Variants in IREB2 observed in about 807,000 individuals in gnomAD.
IREB2 encodes the protein iron responsive element binding protein 2.
A neutral mutation model predicts 118.8 loss-of-function variants in IREB2; 39 were observed. The observed-to-expected ratio is 0.33, with a 90% CI of 0.25 to 0.43. The LOEUF is 0.43. Among genes scored for constraint, IREB2 ranks in the 20% least tolerant of loss-of-function variants. The probability of loss-of-function intolerance (pLI) is 1.00; values close to 1 mark genes in which losing one functional copy is unlikely to be tolerated. For missense variants in IREB2, 900 were observed against 1,147.3 expected (o/e 0.78, Z 3.11); for synonymous variants, 372 against 392.2 (o/e 0.95, Z 0.61).
intron 2 of IREB2, among the ~76,000 whole-genome samples, chr15:78,451,274 CT>C (rs2051021270): frequency 6.6e-6 from 1 of 151,772 alleles, no homozygotes; most frequent in Admixed American, 6.6e-5. Flanking sequence ...CCTTCATTCA[CT>C]TTTGAGAAAC....
Position 78,447,338 on chromosome 15 carries a change from T to TA in IREB2, c.106+7457_106+7458insA, listed in dbSNP as rs1272865528. 4.0e-5 allele frequency among the ~76,000 whole-genome samples: 6 copies of TA among 151,166 alleles called. No individual in the cohort carries two copies. In the East Asian group the frequency reaches 1.2e-3, roughly 30 times the overall value. ...ACACCACTACACCTGGCTAATTTTTTTTTTTTTTTTGAGACGGACTCTTGC... is the reference window on the plus strand; with the variant it reads ...ACACCACTACACCTGGCTAATTTTTTATTTTTTTTTTGAGACGGACTCTTGC... On this transcript the variant is annotated intron_variant, in intron 2 of 21. Transcript: ENST00000258886.
chr15:78,489,622 C>T (rs1471161362), intron 16 of IREB2, among the ~76,000 whole-genome samples: 3 of 152,168 alleles, frequency 2.0e-5, no homozygotes, highest in African/African-American at 7.2e-5. Flanking sequence ...CTCAAGCAAT[C>T]CTGCTCCTCA....
chr15:78,490,204 G>A (rs969647703), intron 16 of IREB2, among the ~76,000 whole-genome samples: 1 of 151,958 alleles, frequency 6.6e-6, no homozygotes, highest in Non-Finnish European at 1.5e-5. Flanking sequence ...CTTGAGCTCA[G>A]GAGTTTAAGA....
chr15:78,491,084 A>G (rs759828844), intron 18 of IREB2, among the ~76,000 whole-genome samples: 1 of 152,158 alleles, frequency 6.6e-6, no homozygotes, highest in South Asian at 2.1e-4. Context: ...GGTTTTACCT[A>G]CCAAATGAAG....
At position 78,499,756 on chromosome 15, in the gene IREB2, C is replaced by T. The variant is rs764957883; in HGVS notation, c.*1613C>T. The T allele has an allele frequency of 2.0e-5, 3 of 152,122 alleles. No individual in the cohort carries two copies. The highest frequency in any genetic ancestry group is 4.4e-5 in the Non-Finnish European group (3 of 68,026). The allele number at this position is 152,122 out of a possible 1,614,324, so 9.4% of individuals were successfully genotyped here. ...CATGTGTTTTTAATTTACATGAAAACATGAGTTAGGAGAAATTACAGGTTG... is the reference window on the plus strand; with the variant it reads ...CATGTGTTTTTAATTTACATGAAAATATGAGTTAGGAGAAATTACAGGTTG... On this transcript the variant is annotated 3_prime_UTR_variant, in exon 22 of 22. Coordinates refer to ENST00000258886, the MANE Select transcript of IREB2 (RefSeq NM_004136.4).
chr15:78,497,099 A>C, intron 20 of IREB2, 27 bp from the exon 21 acceptor site: 1 of 1,574,232 alleles, frequency 6.4e-7, no homozygotes, highest in Non-Finnish European at 8.7e-7. Flanking sequence ...AAGTGATTAG[A>C]GGGAATAAAA....
intron 3 of IREB2, among the ~76,000 whole-genome samples, 181 bp from the exon 4 acceptor site, chr15:78,465,070 A>G (rs1463062777): frequency 6.6e-6 from 1 of 152,232 alleles, no homozygotes; most frequent in African/African-American, 2.4e-5. Context: ...CAGTTCTCAG[A>G]TAATGTTTAA....
chr15:78,443,084 T>C (rs2050870011), intron 2 of IREB2, among the ~76,000 whole-genome samples: 2 of 152,200 alleles, frequency 1.3e-5, no homozygotes, highest in South Asian at 4.1e-4. Flanking sequence ...CCAAACCGTG[T>C]ATGTACTGTT....
rs772116902 is a variant in IREB2 at position 78,478,383 on chromosome 15, C to A, written c.1282C>A (p.Pro428Thr). The A allele has an allele frequency of 6.3e-7, 1 of 1,588,298 alleles. No individual in the cohort carries two copies. The highest frequency in any genetic ancestry group is 1.7e-5 in the Admixed American group (1 of 59,976). The change falls in exon 10 of 22, where the codon CCT becomes ACT. Residue 428 changes from proline (P) to threonine (T), a missense_variant. Transcript: ENST00000258886. Reference sequence around the variant, plus strand: ...AAATGACCAGAATTCTTCAGGAGAACCTGAATACTCCCAGGTATATGCAGA... The same window carrying A: ...AAATGACCAGAATTCTTCAGGAGAAACTGAATACTCCCAGGTATATGCAGA... ...FRNDQNSSGE[P>T]EYSQVIQINL...
intron 12 of IREB2, 68 bp from the exon 13 acceptor site, chr15:78,485,630 CACTTTTT>C (rs2051646531): frequency 1.4e-6 from 2 of 1,418,058 alleles, no homozygotes; most frequent in Non-Finnish European, 1.9e-6. Context: ...AATTACTTCT[CACTTTTT>C]ACTTTAATAT....
chr15:78,461,903 TTGTACCAA>T (rs1394199828), intron 2 of IREB2, among the ~76,000 whole-genome samples: 2 of 152,164 alleles, frequency 1.3e-5, no homozygotes, highest in Admixed American at 6.5e-5. Context: ...TGATACCTTT[TTGTACCAA>T]AAAGGTACTC....
rs188320982 is a variant in IREB2 at position 78,495,884 on chromosome 15, A to G, written c.2596-1242A>G. Among the ~76,000 whole-genome samples, 518 of 152,300 alleles carry G rather than the reference A, an allele frequency of 3.4e-3. 1 individual carries two copies. The highest frequency in any genetic ancestry group is 6.8e-3 in the Middle Eastern group (2 of 294). On this transcript the variant is annotated intron_variant, in intron 20 of 21. Coordinates refer to ENST00000258886, the MANE Select transcript of IREB2 (RefSeq NM_004136.4). ...ACACAATTTGGGGGAAAAAAGTCTT[A>G]AAAGACTCCTTAGGTAGACAGTGGA...
At chr15:78,446,122 G>C (rs1490713738) in intron 2 of IREB2, among the ~76,000 whole-genome samples, 1 of 152,118 alleles carries the variant, frequency 6.6e-6, no homozygotes, top group African/African-American at 2.4e-5. Context: ...CACTTGTCAG[G>C]AGTCTATTGC....
chr15:78,482,091 G>A (rs757209305), intron 10 of IREB2, among the ~76,000 whole-genome samples: 2 of 152,034 alleles, frequency 1.3e-5, no homozygotes, highest in Admixed American at 1.3e-4. Context: ...TTAGCCAGGC[G>A]TGGTGGCGCA....
rs373611712 is a variant in IREB2, at chr15:78,482,155, A to C, written c.1297-1163A>C. Among the ~76,000 whole-genome samples, 15 of 152,252 alleles carry C rather than the reference A, an allele frequency of 9.9e-5. No homozygotes were observed. In the East Asian group the frequency reaches 1.7e-3, roughly 18 times the overall value. On this transcript the variant is annotated intron_variant, in intron 10 of 21. Transcript: ENST00000258886. ...TAAGGCGGGAGGATCACTTGAGCCC[A>C]GGAGGTTGAGGCTGCATTTAGTCCT...
chr15:78,492,032 CTCA>C (rs1206685322), intron 18 of IREB2, among the ~76,000 whole-genome samples: 1 of 152,120 alleles, frequency 6.6e-6, no homozygotes, highest in Non-Finnish European at 1.5e-5. Context: ...TCCAGTAGTG[CTCA>C]TCAATTAGAA....
chr15:78,446,908 A>G (rs1166044415), intron 2 of IREB2, among the ~76,000 whole-genome samples: 2 of 152,084 alleles, frequency 1.3e-5, no homozygotes, highest in Non-Finnish European at 2.9e-5. Flanking sequence ...TGAGAAGAAT[A>G]TGTGTTTCTG....
Position 78,497,331 on chromosome 15 carries a change from A to C in IREB2, c.2781+20A>C. The C allele has an allele frequency of 6.6e-6, 10 of 1,507,356 alleles. No individual in the cohort carries two copies. The highest frequency in any genetic ancestry group is 9.2e-6 in the Non-Finnish European group (10 of 1,084,806). The allele number at this position is 1,507,356 out of a possible 1,614,324, so 93.4% of individuals were successfully genotyped here. Reference sequence around the variant, plus strand: ...ATACAGGTATCTCTAAATTTTTCAAATATATGATTATGCACTCAAATGTTT... The same window carrying C: ...ATACAGGTATCTCTAAATTTTTCAACTATATGATTATGCACTCAAATGTTT... On this transcript the variant is annotated intron_variant, in intron 21 of 21. Transcript: ENST00000258886.
Position 78,439,804 on chromosome 15 carries a change from T to A in IREB2, c.29T>A (p.Phe10Tyr). Residue 10 changes from phenylalanine (F) to tyrosine (Y), a missense_variant, in exon 2 of 22, where the codon TTT becomes TAT. Transcript: ENST00000258886. The stretch of plus-strand genomic sequence containing the variant: ...ACAATTTTTTTTTCAGGATACGCCT[T>A]TGAGTACCTTATTGAAACATTAAAT... MDAPKAGYA[F>Y]EYLIETLNDS... The A allele has an allele frequency of 6.3e-7, 1 of 1,588,384 alleles. No individual in the cohort carries two copies. Among genetic ancestry groups the A allele is most frequent in the Non-Finnish European group, 8.6e-7 (1 of 1,164,352 alleles).
Sources: allele counts gnomAD v4.1 joint callset (sites outside exome capture counted in the v4.1 genomes callset), GRCh38; gene constraint gnomAD v4.1.1; transcripts MANE v1.5; gene names NCBI Gene and HGNC (gene_info 2026-07-23, HGNC 2026-07-21).